The following CETP variants were observed in gnomAD, a reference collection of about 807,000 sequenced individuals.
The protein encoded by CETP is cholesteryl ester transfer protein, also known as BPI fold containing family F.
CETP carries 56 observed loss-of-function variants against 66.5 expected under a neutral mutation model. That is an observed-to-expected ratio of 0.84 (90% CI 0.68 to 1.05). The LOEUF (loss-of-function observed/expected upper bound fraction) is 1.05, where lower values mean the gene tolerates loss of function less well. CETP is among the 50% of genes least tolerant of loss of function. CETP has a pLI of 0.00. For synonymous variants in CETP, 251 were observed against 245.7 expected (o/e 1.02, Z -0.20); for missense variants, 612 against 609.6 (o/e 1.00, Z -0.04).
At chr16:56,976,748 G>A (rs556548831) in intron 10 of CETP, among the ~76,000 whole-genome samples, 5 of 151,954 alleles carry the variant, frequency 3.3e-5, no homozygotes, top group Admixed American at 6.5e-5. Context: ...TCCATTTTCC[G>A]TGTCTCTTAG....
chr16:56,964,320 T>G (rs566405563), intron 2 of CETP, among the ~76,000 whole-genome samples: 52 of 152,312 alleles, frequency 3.4e-4, no homozygotes, highest in African/African-American at 1.1e-3. Context: ...AGCCACAGCG[T>G]CCGGCCTATC....
At position 56,963,036 on chromosome 16, in the gene CETP, C is replaced by T; in HGVS notation, c.145C>T (p.Gln49Ter). ...VLNHETAKVI[Q>*]TAFQRASYPD... ...GAACCACGAGACTGCCAAGGTGATC[C>T]AGACCGCCTTCCAGCGAGCCAGCTA... Residue 49 changes from glutamine (Q) to a stop codon, truncating the protein, a stop_gained, in exon 2 of 16, where the codon CAG becomes TAG. Transcript: ENST00000200676. LOFTEE classifies it high-confidence loss of function. 1 of 1,614,178 alleles carries T rather than the reference C, an allele frequency of 6.2e-7. No homozygotes were observed. Among genetic ancestry groups the T allele is most frequent in the Non-Finnish European group, 8.5e-7 (1 of 1,179,998 alleles).
At chr16:56,979,580 G>A (rs574605002) in intron 11 of CETP, among the ~76,000 whole-genome samples, 7 of 150,704 alleles carry the variant, frequency 4.6e-5, no homozygotes, top group East Asian at 2.0e-4. Context: ...GTGCAATCTC[G>A]GCTCACTGCA....
intron 6 of CETP, 31 bp from the exon 7 acceptor site, chr16:56,971,290 G>A: frequency 6.2e-7 from 1 of 1,612,814 alleles, no homozygotes; most frequent in Non-Finnish European, 8.5e-7. Flanking sequence ...CTCCTTTCCT[G>A]CCTGGAAAGC....
intron 1 of CETP, 167 bp downstream of exon 1, chr16:56,962,264 C>T (rs1159482871): frequency 1.3e-6 from 1 of 747,076 alleles, no homozygotes; most frequent in Non-Finnish European, 2.4e-6. Flanking sequence ...TCATCACCCC[C>T]TCCTGACCTC....
In CETP at chr16:56,969,462, C is replaced by A; in HGVS notation, c.310C>A (p.Gln104Lys). 6.2e-7 allele frequency: 1 copy of A among 1,614,178 alleles called. No individual in the cohort carries two copies. The highest frequency in any genetic ancestry group is 8.5e-7 in the Non-Finnish European group (1 of 1,180,038). Reference protein sequence around the residue: ...VEAKSIDVSIQNVSVVFKGTL... With the variant: ...VEAKSIDVSIKNVSVVFKGTL... Reference sequence around the variant, plus strand: ...AGCCAAGTCCATTGATGTCTCCATTCAGAACGTGTCTGTGGTCTTCAAGGG... The same window carrying A: ...AGCCAAGTCCATTGATGTCTCCATTAAGAACGTGTCTGTGGTCTTCAAGGG... The change falls in exon 3 of 16, where the codon CAG (glutamine) becomes AAG (lysine). Residue 104 changes from glutamine (Q) to lysine (K), a missense_variant. Transcript: ENST00000200676.
intron 2 of CETP, among the ~76,000 whole-genome samples, chr16:56,963,356 G>C (rs1186824390): frequency 2.0e-5 from 3 of 152,154 alleles, no homozygotes; most frequent in Non-Finnish European, 2.9e-5. Context: ...TAAGAGTCAG[G>C]CTTCAAAGGG....
At chr16:56,974,316 G>A (rs571251094) in intron 9 of CETP, among the ~76,000 whole-genome samples, 1 of 152,338 alleles carries the variant, frequency 6.6e-6, no homozygotes, top group South Asian at 2.1e-4. Flanking sequence ...GTGCACGGCG[G>A]TGCATACCTA....
intron 8 of CETP, among the ~76,000 whole-genome samples, chr16:56,973,107 G>A (rs968095821): frequency 3.9e-5 from 6 of 152,212 alleles, no homozygotes; most frequent in Non-Finnish European, 5.9e-5. Context: ...CAGGAACCAC[G>A]TCTGTCTGGT....
At chr16:56,972,216 C>T (rs1208350256) in intron 8 of CETP, 133 bp downstream of exon 8, 4 of 687,456 alleles carry the variant, frequency 5.8e-6, no homozygotes, top group African/African-American at 3.5e-5. Flanking sequence ...CTCCTCATTC[C>T]TGATGCTCCT....
intron 11 of CETP, among the ~76,000 whole-genome samples, chr16:56,978,609 T>C (rs1336462058): frequency 1.3e-5 from 2 of 151,668 alleles, no homozygotes; most frequent in Non-Finnish European, 2.9e-5. Context: ...CCCTCCTGAG[T>C]AGCTGGGACC....
At chr16:56,982,736 G>A (rs11076177) in intron 14 of CETP, among the ~76,000 whole-genome samples, 5,149 of 152,292 alleles carry the variant, frequency 0.034, 204 homozygotes, top group East Asian at 0.13. Flanking sequence ...TTTGGACCAG[G>A]CTCTGCTGAG....
Position 56,983,666 on chromosome 16 carries a change from GA to G in CETP, c.*2del. ...TGGATTTCCTCCAGAGCTTGAGCTA[GA>G]AGTCTCCAAGGAGGTCGGGATGGGG... On this transcript the variant is annotated 3_prime_UTR_variant, in exon 16 of 16. Transcript: ENST00000200676. The G allele has an allele frequency of 6.2e-7, 1 of 1,614,122 alleles. No homozygotes were observed. The highest frequency in any genetic ancestry group is 8.5e-7 in the Non-Finnish European group (1 of 1,179,974).
intron 2 of CETP, among the ~76,000 whole-genome samples, chr16:56,966,538 A>G (rs1206057050): frequency 6.6e-6 from 1 of 150,490 alleles, no homozygotes; most frequent in Non-Finnish European, 1.5e-5. Context: ...CTCTTCCTCC[A>G]CCCGGCATCT....
At chr16:56,968,379 A>T (rs2056083650) in intron 2 of CETP, among the ~76,000 whole-genome samples, 1 of 152,016 alleles carries the variant, frequency 6.6e-6, no homozygotes, top group South Asian at 2.1e-4. Context: ...TGGAGACGAG[A>T]TTTCACCATG....
intron 7 of CETP, 67 bp downstream of exon 7, chr16:56,971,448 T>C: frequency 2.2e-6 from 3 of 1,382,822 alleles, no homozygotes; most frequent in Non-Finnish European, 3.1e-6. Flanking sequence ...CCTGCTGCAC[T>C]ATGTGGCCTT....
intron 11 of CETP, among the ~76,000 whole-genome samples, 158 bp from the exon 12 acceptor site, chr16:56,981,000 T>C (rs2056183118): frequency 6.6e-6 from 1 of 152,220 alleles, no homozygotes; most frequent in Non-Finnish European, 1.5e-5. Flanking sequence ...TGGGGAACTT[T>C]CCTCGGTTTT....
Position 56,978,217 on chromosome 16 carries a change from C to T in CETP, c.1108C>T (p.Pro370Ser). The change falls in exon 11 of 16, where the codon CCA (proline) becomes TCA (serine). Residue 370 changes from proline (P) to serine (S), a missense_variant. Physicochemically the swap from Pro to Ser is moderately conservative, Grantham distance 74. Transcript: ENST00000200676. ...SVMVKFLFPRPDQQHSVAYTF... is the reference protein window; with the variant it reads ...SVMVKFLFPRSDQQHSVAYTF... ...GATGGTGAAATTCCTCTTTCCACGC[C>T]CAGACCAGCAACATTCTGTAGCTTA... 1 of 1,614,216 alleles carries T rather than the reference C, an allele frequency of 6.2e-7. No homozygotes were observed. The highest frequency in any genetic ancestry group is 8.5e-7 in the Non-Finnish European group (1 of 1,180,044).
intron 2 of CETP, among the ~76,000 whole-genome samples, chr16:56,965,942 C>T (rs144494059): frequency 6.6e-6 from 1 of 152,286 alleles, no homozygotes; most frequent in African/African-American, 2.4e-5. Context: ...TGTGCAGCTC[C>T]ACCTCTGCCC....
Sources: gnomAD v4.1 joint callset for allele counts (sites outside exome capture counted in the v4.1 genomes callset) on GRCh38, gnomAD v4.1.1 for gene constraint, MANE v1.5 for transcripts, NCBI Gene and HGNC (gene_info 2026-07-23, HGNC 2026-07-21) for gene names.